Variants in FARSB observed in about 807,000 individuals in gnomAD.
The protein encoded by FARSB is phenylalanyl-tRNA synthetase subunit beta.
FARSB carries 40 observed loss-of-function variants against 69.6 expected under a neutral mutation model. The observed-to-expected ratio is 0.57, with a 90% CI of 0.45 to 0.75. FARSB has a LOEUF of 0.75. FARSB is among the 30% of genes least tolerant of loss of function. The pLI is 0.00. For missense variants in FARSB, 632 were observed against 722.9 expected (o/e 0.87, Z 1.44); for synonymous variants, 235 against 247.2 (o/e 0.95, Z 0.46).
chr2:222,569,004 T>C lies in FARSB; in HGVS notation c.*2867A>G, dbSNP rs932754213. On this transcript the variant is annotated 3_prime_UTR_variant, in exon 17 of 17. Coordinates refer to ENST00000281828, the MANE Select transcript of FARSB (RefSeq NM_005687.5). ...CTAAGAAGGTGTGCATCTTCTGTAATAAAGGCTTTTGGCAGTACTCACAGA... is the reference window on the plus strand; with the variant it reads ...CTAAGAAGGTGTGCATCTTCTGTAACAAAGGCTTTTGGCAGTACTCACAGA... 1 of 152,210 alleles carries C rather than the reference T, an allele frequency of 6.6e-6. No homozygotes were observed. The highest frequency in any genetic ancestry group is 1.9e-4 in the East Asian group (1 of 5,204). 9.4% of individuals were successfully genotyped at this position (152,210 alleles called of 1,614,324 possible).
At chr2:222,608,661 C>G (rs1205795067) in intron 15 of FARSB, among the ~76,000 whole-genome samples, 2 of 152,136 alleles carry the variant, frequency 1.3e-5, no homozygotes, top group Non-Finnish European at 2.9e-5. Flanking sequence ...AGAAGTAGAT[C>G]ATTCGCTCAT....
intron 4 of FARSB, 76 bp downstream of exon 4, chr2:222,640,786 C>T (rs1691700371): frequency 1.4e-6 from 1 of 737,704 alleles, no homozygotes; most frequent in East Asian, 2.8e-5. Flanking sequence ...AGCTTTGTTT[C>T]TCTTTCCTCC....
chr2:222,579,584 C>T (rs574535627), intron 16 of FARSB, among the ~76,000 whole-genome samples: 24 of 152,294 alleles, frequency 1.6e-4, no homozygotes, highest in African/African-American at 5.5e-4. Context: ...AGAAAAAGAG[C>T]TGAAATGTTA....
At chr2:222,614,758 G>A (rs1690953517) in intron 14 of FARSB, among the ~76,000 whole-genome samples, 1 of 152,108 alleles carries the variant, frequency 6.6e-6, no homozygotes, top group African/African-American at 2.4e-5. Context: ...AGAATTGCCT[G>A]AGCCCAGGAG....
At chr2:222,639,219 T>C (rs897817237) in intron 5 of FARSB, among the ~76,000 whole-genome samples, 1 of 152,170 alleles carries the variant, frequency 6.6e-6, no homozygotes, top group African/African-American at 2.4e-5. Context: ...GGTTTATACT[T>C]AGTAGCATAA....
chr2:222,629,002 T>G, intron 9 of FARSB, 114 bp from the exon 10 acceptor site: 4 of 733,892 alleles, frequency 5.5e-6, no homozygotes, highest in South Asian at 4.8e-5. Flanking sequence ...CTCAACATAC[T>G]CCATCTATCG....
chr2:222,613,970 C>T (rs760197297), intron 14 of FARSB, 42 bp from the exon 15 acceptor site: 1 of 1,136,022 alleles, frequency 8.8e-7, no homozygotes, highest in South Asian at 1.3e-5. Flanking sequence ...AAATAGGACC[C>T]AAACAAAGAC....
rs1407690208 is a variant in FARSB at position 222,568,339 on chromosome 2, G to C, written c.*3532C>G. 1 of 152,080 alleles carries C rather than the reference G, an allele frequency of 6.6e-6. No individual in the cohort carries two copies. Among genetic ancestry groups the C allele is most frequent in the Non-Finnish European group, 1.5e-5 (1 of 68,012 alleles). The allele number at this position is 152,080 out of a possible 1,614,324, so 9.4% of individuals were successfully genotyped here. On this transcript the variant is annotated 3_prime_UTR_variant, in exon 17 of 17. Coordinates refer to ENST00000281828, the MANE Select transcript of FARSB (RefSeq NM_005687.5). This position sits in a 1 kb window ranked among gnomAD's most constrained non-coding sequence, Gnocchi z 4.3. ...CCATTATTTACTTTCGCATAAATAAGTAAATAATGCAAATCAGTGAGTGGT... is the reference window on the plus strand; with the variant it reads ...CCATTATTTACTTTCGCATAAATAACTAAATAATGCAAATCAGTGAGTGGT...
intron 10 of FARSB, among the ~76,000 whole-genome samples, chr2:222,627,382 G>A (rs948950274): frequency 1.3e-5 from 2 of 152,186 alleles, no homozygotes; most frequent in African/African-American, 4.8e-5. Context: ...TATATGATGA[G>A]GGACATGTGA....
chr2:222,647,343 G>A (rs1182272968), intron 2 of FARSB, among the ~76,000 whole-genome samples: 3 of 152,162 alleles, frequency 2.0e-5, no homozygotes, highest in African/African-American at 4.8e-5. Context: ...AAAGATGGTA[G>A]GTAAGGTAAT....
Position 222,636,799 on chromosome 2 carries a change from A to T in FARSB, c.456-2258T>A, listed in dbSNP as rs75394545. On this transcript the variant is annotated intron_variant, in intron 5 of 16. Coordinates refer to ENST00000281828, the MANE Select transcript of FARSB (RefSeq NM_005687.5). ...AAGAACAAAAACCACTCTTCAGAGA[A>T]ACATAGCAAAGTCAAGACTCTTCCC... Among the ~76,000 whole-genome samples, 1,061 of 152,324 alleles carry T rather than the reference A, an allele frequency of 7.0e-3. 13 individuals are homozygous for T. Among genetic ancestry groups the T allele is most frequent in the African/African-American group, 0.023 (972 of 41,572 alleles).
At chr2:222,576,596 G>A (rs1689845949) in intron 16 of FARSB, among the ~76,000 whole-genome samples, 1 of 152,152 alleles carries the variant, frequency 6.6e-6, no homozygotes, top group Non-Finnish European at 1.5e-5. Context: ...GTACTATGGA[G>A]TGAAGGGAGG....
At chr2:222,624,181 G>T in intron 12 of FARSB, 91 bp downstream of exon 12, 1 of 851,578 alleles carries the variant, frequency 1.2e-6, no homozygotes, top group Non-Finnish European at 2.0e-6. Context: ...AATACTGCTT[G>T]ATTCCTACGT....
chr2:222,634,530 A>C lies in FARSB; in HGVS notation c.467T>G (p.Leu156Arg), dbSNP rs201927592. The stretch of plus-strand genomic sequence containing the variant: ...CAAATCATGGGTACCAATGGCAACC[A>C]GTGCTCTTTTCCTAATTGTTGAGAG... ...LHQNICRKRA[L>R]VAIGTHDLDT... Residue 156 changes from leucine to arginine, a missense_variant, in exon 6 of 17, where the codon CTG (leucine) becomes CGG (arginine). Coordinates refer to ENST00000281828, the MANE Select transcript of FARSB (RefSeq NM_005687.5). The C allele has an allele frequency of 8.7e-6, 14 of 1,612,140 alleles. No homozygotes were observed. In the Admixed American group the frequency reaches 2.3e-4, roughly 27 times the overall value.
intron 5 of FARSB, among the ~76,000 whole-genome samples, chr2:222,637,778 T>C (rs1195994980): frequency 6.6e-6 from 1 of 152,066 alleles, no homozygotes; most frequent in Non-Finnish European, 1.5e-5. Context: ...TTAAAGCCTA[T>C]AAGGCCAGCC....
At position 222,571,857 on chromosome 2, in the gene FARSB, A is replaced by G; in HGVS notation, c.*14T>C. ...GGACACCTGGGAAGAGAATCACACC[A>G]CAGAGACCAATCTTCACAAAAAGGG... On this transcript the variant is annotated 3_prime_UTR_variant, in exon 17 of 17. Transcript: ENST00000281828. 1 of 1,609,374 alleles carries G rather than the reference A, an allele frequency of 6.2e-7. No homozygotes were observed. The highest frequency in any genetic ancestry group is 8.5e-7 in the Non-Finnish European group (1 of 1,177,256).
chr2:222,604,113 G>A (rs1486629422), intron 15 of FARSB, among the ~76,000 whole-genome samples: 1 of 151,898 alleles, frequency 6.6e-6, no homozygotes, highest in East Asian at 1.9e-4. Context: ...AGCTACTCAG[G>A]AGGCTGAGGC....
intron 10 of FARSB, among the ~76,000 whole-genome samples, chr2:222,625,501 G>C (rs1691245862): frequency 6.6e-6 from 1 of 152,194 alleles, no homozygotes; most frequent in Non-Finnish European, 1.5e-5. Flanking sequence ...GGTCCTCAGA[G>C]CAGAAGCACT....
chr2:222,589,842 A>G (rs1354129516), intron 16 of FARSB, among the ~76,000 whole-genome samples: 1 of 152,126 alleles, frequency 6.6e-6, no homozygotes. Flanking sequence ...TTAGAATGGC[A>G]ATCATTAAAA....
Sources: allele counts gnomAD v4.1 joint callset (sites outside exome capture counted in the v4.1 genomes callset), GRCh38; gene constraint gnomAD v4.1.1; non-coding constraint Gnocchi (gnomAD v3.1); transcripts MANE v1.5; gene names NCBI Gene and HGNC (gene_info 2026-07-23, HGNC 2026-07-21).